Variants in PALLD observed in about 807,000 individuals in gnomAD.
PALLD encodes the protein palladin.
PALLD carries 61 observed loss-of-function variants against 123.5 expected under a neutral mutation model. The ratio of observed to expected loss-of-function variants is 0.49; its 90% CI spans 0.40 to 0.61. The LOEUF (loss-of-function observed/expected upper bound fraction) is 0.61. Among genes scored for constraint, PALLD ranks in the 20% least tolerant of loss-of-function variants. The probability of loss-of-function intolerance (pLI) is 0.00; values close to 1 mark genes in which losing one functional copy is unlikely to be tolerated. For synonymous variants in PALLD, 465 were observed against 496.4 expected, an observed-to-expected ratio of 0.94 and a Z score of 0.84; for missense variants, 1,273 against 1,377.0, an observed-to-expected ratio of 0.92 and a Z score of 1.20.
intron 1 of PALLD, among the ~76,000 whole-genome samples, chr4:168,502,330 A>G (rs1450114977): frequency 1.3e-5 from 2 of 152,128 alleles, no homozygotes; most frequent in Non-Finnish European, 2.9e-5. Flanking sequence ...CTAGTTCCAA[A>G]TTTTTTCATG....
intron 2 of PALLD, among the ~76,000 whole-genome samples, chr4:168,619,454 A>C (rs1344986621): frequency 6.6e-6 from 1 of 152,212 alleles, no homozygotes; most frequent in African/African-American, 2.4e-5. Context: ...TAAACAGGGA[A>C]CTGAGCTAAT....
chr4:168,746,380 C>CAAAAAAAAAAA (rs747755592), intron 10 of PALLD, among the ~76,000 whole-genome samples: 410 of 37,012 alleles, frequency 0.011, 57 homozygotes, highest in East Asian at 0.016. Context: ...GAACCCGTCT[C>CAAAAAAAAAAA]AAAAAAAAAA....
intron 10 of PALLD, among the ~76,000 whole-genome samples, chr4:168,879,213 G>T (rs1487795722): frequency 6.6e-6 from 1 of 152,052 alleles, no homozygotes; most frequent in Non-Finnish European, 1.5e-5. Context: ...GTGATGATGT[G>T]GCAGCCCTAT....
intron 10 of PALLD, among the ~76,000 whole-genome samples, chr4:168,768,439 A>G (rs1347670822): frequency 6.6e-6 from 1 of 152,206 alleles, no homozygotes; most frequent in Admixed American, 6.5e-5. Flanking sequence ...AAAGGTCAAG[A>G]TGAAGGATAG....
chr4:168,539,846 G>A (rs561128847), intron 2 of PALLD, among the ~76,000 whole-genome samples: 168 of 151,902 alleles, frequency 1.1e-3, no homozygotes, highest in African/African-American at 3.1e-4. Flanking sequence ...GGGGGTACAC[G>A]TGCAGGTTTG....
intron 2 of PALLD, among the ~76,000 whole-genome samples, chr4:168,591,093 G>T (rs1332421590): frequency 6.6e-6 from 1 of 151,954 alleles, no homozygotes; most frequent in Non-Finnish European, 1.5e-5. Context: ...TGGCCAAGCT[G>T]GTCTTGAACT....
intron 10 of PALLD, among the ~76,000 whole-genome samples, chr4:168,882,957 G>A (rs1038965299): frequency 6.6e-6 from 1 of 152,100 alleles, no homozygotes; most frequent in Non-Finnish European, 1.5e-5. Context: ...GGGCATGGTG[G>A]TGTGCACCTG....
chr4:168,669,020 A>C (rs1392848703), intron 3 of PALLD, among the ~76,000 whole-genome samples: 1 of 152,256 alleles, frequency 6.6e-6, no homozygotes, highest in Non-Finnish European at 1.5e-5. Flanking sequence ...AATACCAATA[A>C]TTTAGAATAG....
At chr4:168,737,085 A>C (rs961300464) in intron 10 of PALLD, among the ~76,000 whole-genome samples, 1 of 152,224 alleles carries the variant, frequency 6.6e-6, no homozygotes, top group Non-Finnish European at 1.5e-5. Flanking sequence ...ATAATGTATT[A>C]CATTCTATGC....
At chr4:168,716,526 CA>C (rs1342108316) in intron 10 of PALLD, among the ~76,000 whole-genome samples, 2 of 152,198 alleles carry the variant, frequency 1.3e-5, no homozygotes, top group Admixed American at 1.3e-4. Flanking sequence ...CAGGCTGAAT[CA>C]ACCTTTTCAA....
chr4:168,681,528 G>T, intron 4 of PALLD, 130 bp downstream of exon 4: 1 of 584,870 alleles, frequency 1.7e-6, no homozygotes, highest in Non-Finnish European at 3.1e-6. Flanking sequence ...CAAATACTGA[G>T]GTTGGAACAC....
At chr4:168,642,789 T>G (rs556364158) in intron 2 of PALLD, among the ~76,000 whole-genome samples, 1 of 152,354 alleles carries the variant, frequency 6.6e-6, no homozygotes, top group South Asian at 2.1e-4. Flanking sequence ...TGCAATAACA[T>G]ATGCTGGCAG....
At chr4:168,669,824 A>ACACACACACACACAC (rs1159317529) in intron 3 of PALLD, among the ~76,000 whole-genome samples, 1 of 151,374 alleles carries the variant, frequency 6.6e-6, no homozygotes, top group African/African-American at 2.4e-5. Flanking sequence ...ACACACACAC[A>ACACACACACACACAC]ATCATTTATA....
intron 2 of PALLD, among the ~76,000 whole-genome samples, chr4:168,619,528 G>T (rs1774550221): frequency 6.6e-6 from 1 of 152,226 alleles, no homozygotes; most frequent in Admixed American, 6.5e-5. Context: ...AGGCTCTTCA[G>T]GTGCCTGGTC....
intron 2 of PALLD, among the ~76,000 whole-genome samples, chr4:168,600,060 CATACATGTGTATACACACACAT>C (rs1772443564): frequency 6.7e-6 from 1 of 149,318 alleles, no homozygotes; most frequent in African/African-American, 2.5e-5. Context: ...CACATATATA[CATACATGTGTATACACACACAT>C]ATATACATGC....
intron 10 of PALLD, among the ~76,000 whole-genome samples, chr4:168,733,593 T>C (rs1415844030): frequency 1.3e-4 from 1 of 7,972 alleles, no homozygotes; most frequent in Non-Finnish European, 2.7e-4. Flanking sequence ...CCCTTTTTTT[T>C]GAGGGGCGGG....
At chr4:168,700,467 C>T (rs1322953482) in intron 8 of PALLD, 3 of 152,164 alleles carry the variant, frequency 2.0e-5, no homozygotes, top group Non-Finnish European at 4.4e-5. Flanking sequence ...GCTCAATCAA[C>T]TTTGAAACAC....
At chr4:168,646,857 A>G (rs1191578606) in intron 2 of PALLD, among the ~76,000 whole-genome samples, 1 of 152,222 alleles carries the variant, frequency 6.6e-6, no homozygotes, top group African/African-American at 2.4e-5. Context: ...ACCTTTATTT[A>G]TACTTTTCTG....
intron 10 of PALLD, among the ~76,000 whole-genome samples, chr4:168,772,123 A>G (rs1448156093): frequency 6.6e-6 from 1 of 152,150 alleles, no homozygotes; most frequent in Non-Finnish European, 1.5e-5. Flanking sequence ...GCCTTGCGAA[A>G]TAGGACTATT....
Sources: gnomAD v4.1 joint callset for allele counts (sites outside exome capture counted in the v4.1 genomes callset) on GRCh38, gnomAD v4.1.1 for gene constraint, MANE v1.5 for transcripts, NCBI Gene and HGNC (gene_info 2026-07-23, HGNC 2026-07-21) for gene names.